The following STK38 variants were observed in gnomAD, a reference collection of about 807,000 sequenced individuals.
STK38 encodes serine/threonine kinase 38.
A neutral mutation model predicts 59.0 loss-of-function variants in STK38; 26 were observed. The ratio of observed to expected loss-of-function variants is 0.44; its 90% CI spans 0.32 to 0.61. The LOEUF (loss-of-function observed/expected upper bound fraction) is 0.61, where lower values mean the gene tolerates loss of function less well. STK38 is among the 20% of genes least tolerant of loss of function. The pLI is 0.04. For missense variants in STK38, 433 were observed against 566.0 expected (o/e 0.76, Z 2.38); for synonymous variants, 175 against 176.6 (o/e 0.99, Z 0.07).
At chr6:36,538,340 G>C (rs1227665081) in intron 2 of STK38, among the ~76,000 whole-genome samples, 2 of 152,016 alleles carry the variant, frequency 1.3e-5, no homozygotes, top group Non-Finnish European at 2.9e-5. Context: ...AATCACAACA[G>C]TGGTTGTCTT....
intron 2 of STK38, among the ~76,000 whole-genome samples, chr6:36,533,521 T>C (rs1264450261): frequency 1.3e-5 from 2 of 152,214 alleles, no homozygotes; most frequent in African/African-American, 4.8e-5. Context: ...TTAGAAGGCT[T>C]TTCTATCTTA....
chr6:36,497,697 T>A, intron 12 of STK38, 83 bp downstream of exon 12: 1 of 1,116,180 alleles, frequency 9.0e-7, no homozygotes, highest in Non-Finnish European at 1.3e-6. Context: ...TTACTTGGCT[T>A]GCCAATGATG....
At chr6:36,545,883 G>T (rs2127495237) in intron 1 of STK38, among the ~76,000 whole-genome samples, 1 of 152,302 alleles carries the variant, frequency 6.6e-6, no homozygotes, top group South Asian at 2.1e-4. Flanking sequence ...AACTCAAAAG[G>T]AAGTCAAATG....
rs374917573 is a variant in STK38 at position 36,521,864 on chromosome 6, A to T, written c.307-47T>A. 2.2e-5 allele frequency: 32 copies of T among 1,475,862 alleles called. No individual in the cohort carries two copies. The Middle Eastern group carries it at 5.2e-4, about 24-fold the overall frequency. The allele number at this position is 1,475,862 out of a possible 1,614,324, so 91.4% of individuals were successfully genotyped here. A position where few individuals can be genotyped will look rare whatever the true frequency, so the allele number is the denominator to read the frequency against. On this transcript the variant is annotated intron_variant, in intron 4 of 13. Transcript: ENST00000229812. ...GCCAAGTCAAAAACTCGTACTACCA[A>T]CCTAATGCTTTCATGTGTTATAGGA... is the stretch of plus-strand genomic sequence containing the variant.
chr6:36,532,508 G>A (rs666757), intron 2 of STK38, among the ~76,000 whole-genome samples: 1,552 of 152,130 alleles, frequency 0.01, 32 homozygotes, highest in African/African-American at 0.036. Flanking sequence ...GGATGTGATG[G>A]CTCACACCTG....
chr6:36,528,951 T>C (rs1777602836), intron 2 of STK38, among the ~76,000 whole-genome samples: 2 of 152,216 alleles, frequency 1.3e-5, no homozygotes, highest in African/African-American at 2.4e-5. Context: ...GCAGAATACC[T>C]GCCTGAGAGT....
rs554553035 is a variant in STK38 at position 36,540,428 on chromosome 6, A to C, written c.-5-221T>G. On this transcript the variant is annotated intron_variant, in intron 1 of 13. Coordinates refer to ENST00000229812, the MANE Select transcript of STK38 (RefSeq NM_007271.4). ...CACCCCTAGGTATAAAGACTAAAGA[A>C]ACCGTCACACAGGCTTCTAAAGTGA... Among the ~76,000 whole-genome samples the C allele has an allele frequency of 3.3e-5, 5 of 152,330 alleles. No homozygotes were observed. In the East Asian group the frequency reaches 9.6e-4, roughly 29 times the overall value.
At chr6:36,521,961 C>T in intron 4 of STK38, 144 bp from the exon 5 acceptor site, 1 of 605,810 alleles carries the variant, frequency 1.7e-6, no homozygotes, top group Non-Finnish European at 2.8e-6. Context: ...GAAGAAAATG[C>T]TTTTCAGTGT....
chr6:36,527,344 G>A (rs1310999774), intron 2 of STK38, among the ~76,000 whole-genome samples: 1 of 141,772 alleles, frequency 7.1e-6, no homozygotes, highest in Non-Finnish European at 1.5e-5. Context: ...ACACATATAT[G>A]TAATATATGT....
chr6:36,534,355 A>T (rs1777736950), intron 2 of STK38, among the ~76,000 whole-genome samples: 1 of 152,184 alleles, frequency 6.6e-6, no homozygotes, highest in African/African-American at 2.4e-5. Flanking sequence ...TCCTCAGCCA[A>T]ATTGGAACAT....
intron 9 of STK38, among the ~76,000 whole-genome samples, chr6:36,504,267 T>G (rs1776908273): frequency 6.6e-6 from 1 of 152,244 alleles, no homozygotes; most frequent in African/African-American, 2.4e-5. Flanking sequence ...CCTAAGGTTA[T>G]ACAGGACGAC....
chr6:36,511,450 G>A (rs146129318), intron 7 of STK38, among the ~76,000 whole-genome samples: 6,269 of 151,506 alleles, frequency 0.041, 316 homozygotes, highest in African/African-American at 0.12. Flanking sequence ...TCTGCCTCCC[G>A]GGTTCAAGAA....
intron 1 of STK38, among the ~76,000 whole-genome samples, chr6:36,543,923 C>T (rs989951512): frequency 6.6e-6 from 1 of 152,236 alleles, no homozygotes; most frequent in Non-Finnish European, 1.5e-5. Flanking sequence ...CATAAGCCAC[C>T]GCACCCAGCC....
chr6:36,527,490 T>C (rs1007610141), intron 2 of STK38, among the ~76,000 whole-genome samples: 3 of 150,284 alleles, frequency 2.0e-5, no homozygotes, highest in African/African-American at 4.9e-5. Flanking sequence ...GAGGCAGAGG[T>C]TGCAGTGAGG....
chr6:36,501,357 G>A (rs549007081), intron 9 of STK38, among the ~76,000 whole-genome samples: 111 of 152,212 alleles, frequency 7.3e-4, no homozygotes, highest in Middle Eastern at 6.8e-3. Context: ...TAACATTTGA[G>A]GGCTTCCATG....
chr6:36,542,678 C>T (rs1462785814), intron 1 of STK38, among the ~76,000 whole-genome samples: 1 of 151,996 alleles, frequency 6.6e-6, no homozygotes, highest in African/African-American at 2.4e-5. Flanking sequence ...AGCGCGGTGG[C>T]TCACGCCTGT....
intron 1 of STK38, among the ~76,000 whole-genome samples, chr6:36,546,394 G>T (rs586036): frequency 0.01 from 1,550 of 152,272 alleles, 30 homozygotes; most frequent in African/African-American, 0.035. Context: ...GGTGGTGGTT[G>T]TTTTATGTTT....
chr6:36,546,161 T>C (rs959059959), intron 1 of STK38, among the ~76,000 whole-genome samples: 3 of 152,242 alleles, frequency 2.0e-5, no homozygotes, highest in African/African-American at 7.2e-5. Flanking sequence ...CCATGTCTTA[T>C]ACTTGTTTTA....
At chr6:36,517,936 T>A in intron 5 of STK38, 96 bp from the exon 6 acceptor site, 1 of 1,395,588 alleles carries the variant, frequency 7.2e-7, no homozygotes, top group Non-Finnish European at 9.6e-7. Flanking sequence ...TTAAATACTG[T>A]TTTGAGTATT....
Sources: allele counts gnomAD v4.1 joint callset (sites outside exome capture counted in the v4.1 genomes callset), GRCh38; gene constraint gnomAD v4.1.1; transcripts MANE v1.5; gene names NCBI Gene and HGNC (gene_info 2026-07-23, HGNC 2026-07-21).